The following SLCO1B3 variants were observed in gnomAD, a reference collection of about 807,000 sequenced individuals.
SLCO1B3 encodes the protein liver-specific organic anion transporter 2.
A neutral mutation model predicts 71.8 loss-of-function variants in SLCO1B3; 72 were observed. The ratio of observed to expected loss-of-function variants is 1.00; its 90% confidence interval spans 0.83 to 1.22. SLCO1B3 has a LOEUF of 1.22. Among genes scored for constraint, SLCO1B3 ranks in the 50% most tolerant of loss-of-function variants. The pLI is 0.00. For synonymous variants in SLCO1B3, 298 were observed against 278.4 expected, an observed-to-expected ratio of 1.07 and a Z score of -0.70; for missense variants, 911 against 819.7, an observed-to-expected ratio of 1.11 and a Z score of -1.36.
intron 3 of SLCO1B3, among the ~76,000 whole-genome samples, chr12:20,825,144 G>GT (rs1466557959): frequency 6.6e-6 from 1 of 151,602 alleles, no homozygotes; most frequent in Admixed American, 6.6e-5. Context: ...ACCTTTTAAT[G>GT]TTTTTTTAAA....
At chr12:20,891,936 T>G (rs1865912282) in intron 13 of SLCO1B3, among the ~76,000 whole-genome samples, 1 of 152,084 alleles carries the variant, frequency 6.6e-6, no homozygotes, top group Non-Finnish European at 1.5e-5. Flanking sequence ...TTTTTTCATT[T>G]ATTTTTGGTA....
At chr12:20,837,559 T>C (rs901748103) in intron 3 of SLCO1B3, among the ~76,000 whole-genome samples, 10 of 152,138 alleles carry the variant, frequency 6.6e-5, no homozygotes, top group African/African-American at 2.4e-4. Flanking sequence ...TATCTTGAGA[T>C]TTCCTTTGAC....
At chr12:20,825,136 C>T (rs941220300) in intron 3 of SLCO1B3, among the ~76,000 whole-genome samples, 1 of 151,958 alleles carries the variant, frequency 6.6e-6, no homozygotes, top group African/African-American at 2.4e-5. Context: ...TTTAAATAAC[C>T]TTTTAATGTT....
At chr12:20,900,308 T>A (rs1476253035) in intron 14 of SLCO1B3, among the ~76,000 whole-genome samples, 2 of 152,172 alleles carry the variant, frequency 1.3e-5, no homozygotes, top group Non-Finnish European at 1.5e-5. Flanking sequence ...AACATTCATG[T>A]ATAAATCACT....
intron 3 of SLCO1B3, among the ~76,000 whole-genome samples, chr12:20,825,545 A>G (rs1029803299): frequency 6.6e-6 from 1 of 152,030 alleles, no homozygotes; most frequent in African/African-American, 2.4e-5. Context: ...CTTGTAATCC[A>G]GGTACTTTGG....
intron 15 of SLCO1B3, among the ~76,000 whole-genome samples, chr12:20,902,850 C>G (rs1866155585): frequency 6.6e-6 from 1 of 151,972 alleles, no homozygotes; most frequent in African/African-American, 2.4e-5. Context: ...AGGCAGATCA[C>G]TTGAGACCAG....
chr12:20,849,744 CAT>C (rs56020380), intron 3 of SLCO1B3, among the ~76,000 whole-genome samples: 7 of 148,360 alleles, frequency 4.7e-5, no homozygotes, highest in East Asian at 2.0e-4. Flanking sequence ...CACACACACA[CAT>C]ATTACTTGTG....
In SLCO1B3 at chr12:20,878,217, G is replaced by A. The variant is rs764815556; in HGVS notation, c.1135+281G>A. On this transcript the variant is annotated intron_variant, in intron 10 of 15. Coordinates refer to ENST00000381545, the MANE Select transcript of SLCO1B3 (RefSeq NM_019844.4). ...TTGCTTGTGAATAAAACATTTAGAC[G>A]TAGTATCTGCATAATTGGATCTTAT... is the stretch of plus-strand genomic sequence containing the variant. 9.1e-4 allele frequency among the ~76,000 whole-genome samples: 139 copies of A among 152,040 alleles called. 2 individuals carry two copies. The highest frequency in any genetic ancestry group is 1.8e-3 in the Admixed American group (27 of 15,274).
chr12:20,860,301 A>G (rs918709290), intron 5 of SLCO1B3, among the ~76,000 whole-genome samples: 6 of 152,118 alleles, frequency 3.9e-5, no homozygotes, highest in African/African-American at 1.4e-4. Context: ...AGGACCTTGT[A>G]TATTAAATTT....
At chr12:20,869,818 A>T (rs955834769) in intron 8 of SLCO1B3, among the ~76,000 whole-genome samples, 2 of 152,140 alleles carry the variant, frequency 1.3e-5, no homozygotes, top group African/African-American at 4.8e-5. Context: ...TCTCTGTGAG[A>T]TCCTAATTTC....
chr12:20,888,886 G>GT (rs1427060780), intron 13 of SLCO1B3, among the ~76,000 whole-genome samples: 1 of 151,964 alleles, frequency 6.6e-6, no homozygotes. Context: ...TTTGGTAAGT[G>GT]TTTTTATCAT....
chr12:20,886,583 G>C (rs554018871), intron 13 of SLCO1B3, among the ~76,000 whole-genome samples: 7 of 152,018 alleles, frequency 4.6e-5, no homozygotes, highest in Non-Finnish European at 7.4e-5. Flanking sequence ...CTATGTCAAG[G>C]CCTGCTGAGA....
intron 14 of SLCO1B3, among the ~76,000 whole-genome samples, chr12:20,899,223 A>G (rs564272760): frequency 3.9e-5 from 6 of 152,318 alleles, no homozygotes; most frequent in African/African-American, 1.4e-4. Flanking sequence ...TGCCTTTTTT[A>G]CTGCACAGAT....
At chr12:20,848,382 G>A (rs923571571) in intron 3 of SLCO1B3, among the ~76,000 whole-genome samples, 3 of 152,122 alleles carry the variant, frequency 2.0e-5, no homozygotes, top group Admixed American at 1.3e-4. Flanking sequence ...TTTATTGCTG[G>A]TAGGAATGCA....
chr12:20,822,559 G>C (rs1008979551), intron 3 of SLCO1B3, among the ~76,000 whole-genome samples: 5 of 152,136 alleles, frequency 3.3e-5, no homozygotes, highest in Admixed American at 1.3e-4. Flanking sequence ...GGCCATCTCG[G>C]CGTATACGTG....
chr12:20,915,418 G>A (rs1272051159), intron 15 of SLCO1B3, among the ~76,000 whole-genome samples: 5 of 152,084 alleles, frequency 3.3e-5, no homozygotes, highest in Admixed American at 1.3e-4. Flanking sequence ...ATTAATAATA[G>A]TTGTTTTAAA....
chr12:20,915,117 C>T (rs990139853), intron 15 of SLCO1B3, among the ~76,000 whole-genome samples: 5 of 152,030 alleles, frequency 3.3e-5, no homozygotes, highest in African/African-American at 1.2e-4. Context: ...TCATTTTCCC[C>T]TTCAAGTATT....
chr12:20,863,194 GA>G (rs1865304933), intron 8 of SLCO1B3, among the ~76,000 whole-genome samples: 1 of 152,082 alleles, frequency 6.6e-6, no homozygotes, highest in African/African-American at 2.4e-5. Flanking sequence ...TTGATGTGTA[GA>G]ACTCAGATGT....
chr12:20,850,925 A>G (rs796229530), intron 3 of SLCO1B3, among the ~76,000 whole-genome samples: 7 of 152,306 alleles, frequency 4.6e-5, no homozygotes, highest in African/African-American at 1.4e-4. Flanking sequence ...TCCACCATCA[A>G]GGTATAAGTG....
Sources: gnomAD v4.1 joint callset for allele counts (sites outside exome capture counted in the v4.1 genomes callset) on GRCh38, gnomAD v4.1.1 for gene constraint, MANE v1.5 for transcripts, NCBI Gene and HGNC (gene_info 2026-07-23, HGNC 2026-07-21) for gene names.